Variants in SKAP1 observed in about 807,000 individuals in gnomAD.
SKAP1 encodes the protein src kinase associated phosphoprotein 1.
A neutral mutation model predicts 58.5 loss-of-function variants in SKAP1; 44 were observed. That is an observed-to-expected ratio of 0.75 (90% CI 0.59 to 0.97). The LOEUF is 0.97. Among genes scored for constraint, SKAP1 ranks in the 50% least tolerant of loss-of-function variants. The pLI, the probability that SKAP1 is intolerant of heterozygous loss-of-function variation, is 0.00. For synonymous variants in SKAP1, 127 were observed against 149.7 expected (o/e 0.85, Z 1.11); for missense variants, 390 against 435.2 (o/e 0.90, Z 0.92).
intron 3 of SKAP1, among the ~76,000 whole-genome samples, chr17:48,354,837 T>A (rs995575227): frequency 6.6e-6 from 1 of 152,200 alleles, no homozygotes; most frequent in African/African-American, 2.4e-5. Flanking sequence ...AGTCTTAACC[T>A]ACTTACTCAC....
At chr17:48,396,593 G>A (rs1228609486) in intron 2 of SKAP1, 87 bp downstream of exon 2, 1 of 794,554 alleles carries the variant, frequency 1.3e-6, no homozygotes, top group African/African-American at 1.7e-5. Flanking sequence ...ACTATGATAG[G>A]TATGTCTTAC....
chr17:48,150,696 A>G (rs1053927620), intron 11 of SKAP1, among the ~76,000 whole-genome samples: 2 of 152,216 alleles, frequency 1.3e-5, no homozygotes, highest in African/African-American at 4.8e-5. Flanking sequence ...TATAAGATAG[A>G]TGCTATGCGC....
chr17:48,299,694 G>A (rs2066033166), intron 4 of SKAP1, among the ~76,000 whole-genome samples: 1 of 152,200 alleles, frequency 6.6e-6, no homozygotes, highest in Middle Eastern at 3.2e-3. Context: ...AGATGCCAGT[G>A]TATGTAATAC....
chr17:48,257,559 C>T (rs1422696850), intron 4 of SKAP1, among the ~76,000 whole-genome samples: 4 of 151,240 alleles, frequency 2.6e-5, no homozygotes, highest in Non-Finnish European at 5.9e-5. Context: ...GAAAATTTGT[C>T]GGAAACTTAC....
chr17:48,394,338 T>A (rs934992770), intron 2 of SKAP1, among the ~76,000 whole-genome samples: 11 of 152,184 alleles, frequency 7.2e-5, no homozygotes, highest in Non-Finnish European at 1.6e-4. Context: ...GCCGTATGTT[T>A]ATTTTTTACT....
intron 4 of SKAP1, among the ~76,000 whole-genome samples, chr17:48,333,292 G>T (rs2066528356): frequency 6.6e-6 from 1 of 152,064 alleles, no homozygotes; most frequent in South Asian, 2.1e-4. Context: ...AATAATGTAA[G>T]AAATAACATA....
At chr17:48,209,325 T>C (rs2064844733) in intron 4 of SKAP1, among the ~76,000 whole-genome samples, 1 of 152,200 alleles carries the variant, frequency 6.6e-6, no homozygotes, top group Admixed American at 6.5e-5. Flanking sequence ...TAACTTGGTT[T>C]TTATAATAGT....
chr17:48,263,278 T>C (rs1753748389), intron 4 of SKAP1, among the ~76,000 whole-genome samples: 1 of 152,232 alleles, frequency 6.6e-6, no homozygotes, highest in African/African-American at 2.4e-5. Context: ...TTATGGATTA[T>C]GGATTTTAAA....
chr17:48,320,823 A>G (rs2144220770), intron 4 of SKAP1, among the ~76,000 whole-genome samples: 1 of 152,300 alleles, frequency 6.6e-6, no homozygotes, highest in Admixed American at 6.5e-5. Flanking sequence ...AAGAACAATA[A>G]TGAATAAAAT....
intron 3 of SKAP1, among the ~76,000 whole-genome samples, chr17:48,358,870 C>T (rs568604818): frequency 7.9e-5 from 12 of 152,164 alleles, no homozygotes; most frequent in African/African-American, 1.9e-4. Flanking sequence ...ACTGAAGCTT[C>T]GAGAATTGAT....
intron 1 of SKAP1, among the ~76,000 whole-genome samples, chr17:48,400,570 T>C (rs2067486665): frequency 1.3e-5 from 2 of 151,628 alleles, no homozygotes; most frequent in South Asian, 4.2e-4. Flanking sequence ...GTCAACATGA[T>C]GAAACCCCGC....
At chr17:48,298,338 A>T (rs1219941387) in intron 4 of SKAP1, among the ~76,000 whole-genome samples, 1 of 152,212 alleles carries the variant, frequency 6.6e-6, no homozygotes, top group Non-Finnish European at 1.5e-5. Flanking sequence ...TAGCATGGAT[A>T]ACTCAGGCTC....
intron 11 of SKAP1, among the ~76,000 whole-genome samples, chr17:48,160,919 C>T (rs985237429): frequency 6.6e-6 from 1 of 152,190 alleles, no homozygotes; most frequent in Admixed American, 6.5e-5. Context: ...TGTCCACTCC[C>T]TTTTTTGCTT....
chr17:48,395,283 C>T (rs750499541), intron 2 of SKAP1, among the ~76,000 whole-genome samples: 1 of 152,180 alleles, frequency 6.6e-6, no homozygotes, highest in South Asian at 2.1e-4. Flanking sequence ...TTTCTCAATG[C>T]TGTGGTACAA....
At chr17:48,245,791 C>G (rs1330552116) in intron 4 of SKAP1, among the ~76,000 whole-genome samples, 1 of 152,184 alleles carries the variant, frequency 6.6e-6, no homozygotes, top group Non-Finnish European at 1.5e-5. Flanking sequence ...GCCTGGCCAA[C>G]AGGGTGAAAC....
chr17:48,420,910 C>T (rs1416628210), intron 1 of SKAP1, among the ~76,000 whole-genome samples: 1 of 152,174 alleles, frequency 6.6e-6, no homozygotes, highest in African/African-American at 2.4e-5. Context: ...CTGTAACAAC[C>T]AAAACGTCTC....
At chr17:48,214,491 C>G (rs4794517) in intron 4 of SKAP1, among the ~76,000 whole-genome samples, 84,943 of 152,012 alleles carry the variant, frequency 0.56, 24,720 homozygotes, top group East Asian at 0.77. Context: ...CCAGGCTGGT[C>G]TCAAACTCTT....
chr17:48,312,708 C>A (rs1302379128), intron 4 of SKAP1, among the ~76,000 whole-genome samples: 1 of 152,146 alleles, frequency 6.6e-6, no homozygotes, highest in Non-Finnish European at 1.5e-5. Context: ...TAAGGGGAAA[C>A]TGAATTCAGG....
At chr17:48,379,977 C>A (rs566756449) in intron 2 of SKAP1, among the ~76,000 whole-genome samples, 1 of 152,050 alleles carries the variant, frequency 6.6e-6, no homozygotes, top group Non-Finnish European at 1.5e-5. Context: ...CCACCGTGCC[C>A]GGCCTAAAGT....
Sources: gnomAD v4.1 joint callset for allele counts (sites outside exome capture counted in the v4.1 genomes callset) on GRCh38, gnomAD v4.1.1 for gene constraint, MANE v1.5 for transcripts, NCBI Gene and HGNC (gene_info 2026-07-23, HGNC 2026-07-21) for gene names.